The following GABPB1 variants were observed in gnomAD, a reference collection of about 807,000 sequenced individuals.
GABPB1 encodes the protein GA binding protein transcription factor subunit beta 1.
Under a neutral mutation model 45.9 loss-of-function variants are expected in GABPB1, and 15 were observed. That is an observed-to-expected ratio of 0.33 (90% CI 0.22 to 0.50). The LOEUF is 0.50. GABPB1 is among the 20% of genes least tolerant of loss of function. The pLI is 0.98. For missense variants in GABPB1, 252 were observed against 457.5 expected (o/e 0.55, Z 4.10); for synonymous variants, 143 against 154.4 (o/e 0.93, Z 0.55).
At chr15:50,296,905 C>CT (rs72486745) in intron 6 of GABPB1, among the ~76,000 whole-genome samples, 1,877 of 91,206 alleles carry the variant, frequency 0.021, 50 homozygotes, top group African/African-American at 0.047. Context: ...TAACTTAATT[C>CT]TTTTTTTTTT....
intron 1 of GABPB1, among the ~76,000 whole-genome samples, chr15:50,321,061 T>C (rs941647479): frequency 1.3e-5 from 2 of 152,176 alleles, no homozygotes; most frequent in South Asian, 2.1e-4. Flanking sequence ...TAGGAAATTA[T>C]TACACGATAG....
chr15:50,350,747 C>G (rs1364636772), intron 1 of GABPB1: 2 of 152,112 alleles, frequency 1.3e-5, no homozygotes, highest in African/African-American at 4.8e-5. Flanking sequence ...CAGCCTACCA[C>G]CCAAAACAAC....
chr15:50,278,737 T>A lies in GABPB1; in HGVS notation c.1047A>T (p.Ala349=). ...TTAGGAGCTGCTGTCGATATTTTTG[T>A]GCTTCTCGATTTGCTTCATCCAGCT... ...QKQLDEANRE[A]QKYRQQLLKK... The change falls in exon 9 of 9, where the codon GCA becomes GCT. Residue 349 remains alanine, a synonymous_variant. Coordinates refer to ENST00000380877, the MANE Select transcript of GABPB1 (RefSeq NM_016654.5). 6.2e-7 allele frequency: 1 copy of A among 1,613,630 alleles called. No individual in the cohort carries two copies. The highest frequency in any genetic ancestry group is 8.5e-7 in the Non-Finnish European group (1 of 1,179,772).
intron 1 of GABPB1, chr15:50,354,715 G>A: frequency 3.1e-6 from 1 of 318,774 alleles, no homozygotes; most frequent in Non-Finnish European, 6.0e-6. Flanking sequence ...CGAGGAGGGG[G>A]CGGCGGCCGC....
chr15:50,309,600 A>C (rs1384383905), intron 2 of GABPB1, 91 bp downstream of exon 2: 2 of 692,010 alleles, frequency 2.9e-6, no homozygotes, highest in Non-Finnish European at 5.1e-6. Context: ...ACTTTTTACC[A>C]CTTATAAACA....
At chr15:50,349,280 T>G (rs910453073) in intron 1 of GABPB1, 6 of 152,146 alleles carry the variant, frequency 3.9e-5, no homozygotes, top group African/African-American at 1.4e-4. Context: ...AAAAAAAAAT[T>G]CCTAATTCCA....
intron 2 of GABPB1, among the ~76,000 whole-genome samples, chr15:50,309,262 G>A (rs964973780): frequency 7.9e-5 from 12 of 151,294 alleles, no homozygotes; most frequent in African/African-American, 1.9e-4. Context: ...TTCCTCTTTC[G>A]TCATGTCTGC....
chr15:50,323,986 G>A (rs1287488564), intron 1 of GABPB1, among the ~76,000 whole-genome samples: 1 of 152,182 alleles, frequency 6.6e-6, no homozygotes, highest in African/African-American at 2.4e-5. Flanking sequence ...TGGATTGCTC[G>A]AACCCTGGAG....
At chr15:50,335,527 C>T (rs995919253) in intron 1 of GABPB1, among the ~76,000 whole-genome samples, 6 of 152,162 alleles carry the variant, frequency 3.9e-5, no homozygotes, top group African/African-American at 7.2e-5. Flanking sequence ...TAACAGATTC[C>T]CTTTTCTTCC....
chr15:50,344,512 A>T (rs2048492588), intron 1 of GABPB1, among the ~76,000 whole-genome samples: 1 of 152,224 alleles, frequency 6.6e-6, no homozygotes, highest in Non-Finnish European at 1.5e-5. Context: ...TAAAGGAAGC[A>T]AATAATAGGC....
Position 50,302,951 on chromosome 15 carries a change from T to C in GABPB1, c.449A>G (p.Glu150Gly). 2.5e-6 allele frequency: 4 copies of C among 1,612,366 alleles called. No individual in the cohort carries two copies. Among genetic ancestry groups the C allele is most frequent in the Non-Finnish European group, 3.4e-6 (4 of 1,179,002 alleles). ...TACCTGTAATATCTCTGCTAAATCT[T>C]CATTTCCATTGTCTATTGAAATATC... ...AFDISIDNGN[E>G]DLAEILQIAM... is the part of the protein sequence containing the mutation. Residue 150 changes from glutamate (E) to glycine (G), a missense_variant, in exon 4 of 9, where the codon GAA becomes GGA. Glu to Gly is a moderately conservative substitution (Grantham distance 98). Around this residue, in one of 4 missense-constraint regions of GABPB1, gnomAD observed 193 missense variants for 259.9 expected, o/e 0.74. Coordinates refer to ENST00000380877, the MANE Select transcript of GABPB1 (RefSeq NM_016654.5).
At chr15:50,328,697 G>C (rs939000677) in intron 1 of GABPB1, among the ~76,000 whole-genome samples, 1 of 152,084 alleles carries the variant, frequency 6.6e-6, no homozygotes, top group Admixed American at 6.5e-5. Context: ...ATCATACTTT[G>C]GCTCCATGGG....
At chr15:50,324,138 A>C (rs1206426599) in intron 1 of GABPB1, among the ~76,000 whole-genome samples, 1 of 152,144 alleles carries the variant, frequency 6.6e-6, no homozygotes, top group Non-Finnish European at 1.5e-5. Context: ...AGCGAGGTCA[A>C]GGCTGCAGTG....
At chr15:50,325,348 G>C (rs559557465) in intron 1 of GABPB1, among the ~76,000 whole-genome samples, 1 of 148,858 alleles carries the variant, frequency 6.7e-6, no homozygotes, top group African/African-American at 2.5e-5. Flanking sequence ...CAGAAGTTGA[G>C]ACCCCACCTC....
chr15:50,310,232 A>G (rs1191141286), intron 1 of GABPB1, among the ~76,000 whole-genome samples: 1 of 152,164 alleles, frequency 6.6e-6, no homozygotes, highest in Non-Finnish European at 1.5e-5. Flanking sequence ...AGCTTGGACT[A>G]CAGGCATGCA....
rs747147446 is a variant in GABPB1 at position 50,300,896 on chromosome 15, G to T, written c.590C>A (p.Thr197Lys). Residue 197 changes from threonine to lysine, a missense_variant, in exon 6 of 9, where the codon ACG (threonine) becomes AAG (lysine). This residue lies in a region of GABPB1 where 193 missense variants were observed against 259.9 expected (regional missense o/e 0.74). Transcript: ENST00000380877. ...PGGVVNLTDE[T>K]GVSAVQFGNS... is the part of the protein sequence containing the mutation. The stretch of plus-strand genomic sequence containing the variant: ...TCCAAACTGAACAGCAGATACACCC[G>T]TTTCATCTGTAAGAAAAAAGAAAAT... 3 of 1,577,386 alleles carry T rather than the reference G, an allele frequency of 1.9e-6. No individual in the cohort carries two copies. Among genetic ancestry groups the T allele is most frequent in the South Asian group, 1.1e-5 (1 of 90,368 alleles).
At chr15:50,315,241 C>A (rs113596661) in intron 1 of GABPB1, among the ~76,000 whole-genome samples, 9 of 152,244 alleles carry the variant, frequency 5.9e-5, no homozygotes, top group African/African-American at 1.7e-4. Context: ...AACCGATCCT[C>A]CCGCCTCAGT....
chr15:50,297,610 C>G (rs935896418), intron 6 of GABPB1, among the ~76,000 whole-genome samples: 2 of 152,146 alleles, frequency 1.3e-5, no homozygotes, highest in African/African-American at 4.8e-5. Flanking sequence ...TCTGAGAGGC[C>G]GAGATGGACA....
At chr15:50,343,720 G>A (rs1434639270) in intron 1 of GABPB1, among the ~76,000 whole-genome samples, 2 of 151,996 alleles carry the variant, frequency 1.3e-5, no homozygotes, top group East Asian at 3.9e-4. Context: ...TGTATTTTTA[G>A]TAGAGATGAG....
Sources: allele counts gnomAD v4.1 joint callset (sites outside exome capture counted in the v4.1 genomes callset), GRCh38; gene constraint gnomAD v4.1.1; regional missense constraint gnomAD v4.1.1; transcripts MANE v1.5; gene names NCBI Gene and HGNC (gene_info 2026-07-23, HGNC 2026-07-21).